FAT2: variants seen among roughly 807,000 people sequenced by gnomAD.
FAT2 encodes protocadherin Fat 2.
Under a neutral mutation model 295.3 loss-of-function variants are expected in FAT2, and 150 were observed. That is an observed-to-expected ratio of 0.51 (90% CI 0.44 to 0.58). The LOEUF (loss-of-function observed/expected upper bound fraction) is 0.58. Among genes scored for constraint, FAT2 ranks in the 20% least tolerant of loss-of-function variants. The pLI is 0.00. For missense variants in FAT2, 4,868 were observed against 5,442.7 expected, an observed-to-expected ratio of 0.89 and a Z score of 3.32; for synonymous variants, 2,026 against 2,150.3, an observed-to-expected ratio of 0.94 and a Z score of 1.60.
Position 151,531,760 on chromosome 5 carries a change from T to C in FAT2, c.9638A>G (p.Asp3213Gly), listed in dbSNP as rs2127591481. 6.2e-7 allele frequency: 1 copy of C among 1,600,802 alleles called. No individual in the cohort carries two copies. The highest frequency in any genetic ancestry group is 8.5e-7 in the Non-Finnish European group (1 of 1,174,918). The change falls in exon 14 of 24, where the codon GAC (aspartate) becomes GGC (glycine). Residue 3213 changes from aspartate to glycine, a missense_variant. By Grantham distance (94) the Asp-to-Gly change is moderately conservative. Transcript: ENST00000261800. The surrounding 1 kb of genome is among the most constrained non-coding windows in gnomAD (Gnocchi z 5.7). ...TVTVSVVGLE[D>G]YLPVFLNTEH... Reference sequence around the variant, plus strand: ...GGTGTTCAGGAACACGGGCAGGTAGTCTTCTAGGCCCACCACCGAGACTGT... The same window carrying C: ...GGTGTTCAGGAACACGGGCAGGTAGCCTTCTAGGCCCACCACCGAGACTGT...
At chr5:151,584,587 C>T (rs947581395) in intron 1 of FAT2, among the ~76,000 whole-genome samples, 20 of 152,276 alleles carry the variant, frequency 1.3e-4, no homozygotes, top group Admixed American at 1.2e-3. Flanking sequence ...ACGGTCTCTG[C>T]CCAGTATAAT....
intron 2 of FAT2, 91 bp downstream of exon 2, chr5:151,565,582 T>A: frequency 7.6e-7 from 1 of 1,312,912 alleles, no homozygotes; most frequent in Non-Finnish European, 1.0e-6. Context: ...GCAGGCTGAC[T>A]CCTTTTTCCT....
intron 13 of FAT2, 78 bp from the exon 14 acceptor site, chr5:151,532,048 AGGAGGGGCTGG>A (rs1754685669): frequency 2.6e-6 from 4 of 1,552,776 alleles, no homozygotes; most frequent in Non-Finnish European, 2.6e-6. Flanking sequence ...CTGCAGCCAC[AGGAGGGGCTGG>A]GGAGGGGCTC....
intron 20 of FAT2, among the ~76,000 whole-genome samples, chr5:151,515,947 C>T (rs1030381510): frequency 1.3e-5 from 2 of 152,218 alleles, no homozygotes; most frequent in African/African-American, 2.4e-5. Flanking sequence ...ACAAGACCTT[C>T]ATAGATATGC....
In FAT2 at chr5:151,532,042, A is replaced by T. The variant is rs1034665475; in HGVS notation, c.9428-72T>A. On this transcript the variant is annotated intron_variant, in intron 13 of 23. Coordinates refer to ENST00000261800, the MANE Select transcript of FAT2 (RefSeq NM_001447.3). ...TGGACCTGCCTGCAGCAAACCCTGC[A>T]GCCACAGGAGGGGCTGGGGAGGGGC... 14 of 1,565,088 alleles carry T rather than the reference A, an allele frequency of 8.9e-6. No homozygotes were observed. The African/African-American group carries it at 1.8e-4, about 20-fold the overall frequency.
chr5:151,520,891 T>C (rs1753381436), intron 19 of FAT2, among the ~76,000 whole-genome samples: 1 of 152,202 alleles, frequency 6.6e-6, no homozygotes, highest in African/African-American at 2.4e-5. Flanking sequence ...ACTTGATACA[T>C]AGTACTGATG....
chr5:151,518,378 T>A (rs200709422), intron 19 of FAT2, among the ~76,000 whole-genome samples: 3 of 53,798 alleles, frequency 5.6e-5, no homozygotes, highest in South Asian at 2.2e-3. Context: ...AATAATAATT[T>A]TTAAAAGAAA....
intron 1 of FAT2, among the ~76,000 whole-genome samples, chr5:151,583,693 C>G (rs1314643307): frequency 6.6e-6 from 1 of 152,048 alleles, no homozygotes; most frequent in Non-Finnish European, 1.5e-5. Context: ...TATTATACTC[C>G]ATTAAAAAGT....
At chr5:151,518,861 C>T (rs1388292583) in intron 19 of FAT2, among the ~76,000 whole-genome samples, 1 of 152,194 alleles carries the variant, frequency 6.6e-6, no homozygotes, top group Non-Finnish European at 1.5e-5. Flanking sequence ...TATCCACCCT[C>T]CCCAGAAGTG....
chr5:151,551,704 T>G, intron 6 of FAT2, 98 bp from the exon 7 acceptor site: 8 of 1,292,818 alleles, frequency 6.2e-6, no homozygotes, highest in African/African-American at 1.4e-5. Flanking sequence ...GACACGGTGG[T>G]AAATTCCACA....
In FAT2 at chr5:151,544,960, A is replaced by G; in HGVS notation, c.6167T>C (p.Val2056Ala). Residue 2056 changes from valine (V) to alanine (A), a missense_variant, in exon 10 of 24, where the codon GTC (valine) becomes GCC (alanine). By Grantham distance (64) the Val-to-Ala change is moderately conservative. Around this residue, in one of 5 missense-constraint regions of FAT2, gnomAD observed 3,297 missense variants for 3,669.4 expected, o/e 0.90. Coordinates refer to ENST00000261800, the MANE Select transcript of FAT2 (RefSeq NM_001447.3). ...ATTGACATCCTCAATAGAGACTCTG[A>G]CCAAACCCTGAGCCACCCGCTGAGG... ...RTPQRVAQGLVRVSIEDVNDN... is the reference protein window; with the variant it reads ...RTPQRVAQGLARVSIEDVNDN... The G allele has an allele frequency of 6.2e-7, 1 of 1,614,148 alleles. No individual in the cohort carries two copies. Among genetic ancestry groups the G allele is most frequent in the Non-Finnish European group, 8.5e-7 (1 of 1,180,024 alleles).
At position 151,525,952 on chromosome 5, in the gene FAT2, A is replaced by G. The variant is rs375725713; in HGVS notation, c.10322T>C (p.Ile3441Thr). The G allele has an allele frequency of 6.9e-5, 112 of 1,614,010 alleles. 1 individual carries two copies. In the South Asian group the frequency reaches 1.0e-3, roughly 15 times the overall value. Residue 3441 changes from isoleucine to threonine, a missense_variant, in exon 18 of 24, where the codon ATT (isoleucine) becomes ACT (threonine). Physicochemically the swap from Ile to Thr is moderately conservative, Grantham distance 89. Coordinates refer to ENST00000261800, the MANE Select transcript of FAT2 (RefSeq NM_001447.3). ...GATCAGCTGCAGGACTTTGCTGCCA[A>G]TGGGGGAGTTCTCCTGAGACCGAGA... is the stretch of plus-strand genomic sequence containing the variant. ...YSTTVQENSPIGSKVLQLILS... is the reference protein window; with the variant it reads ...YSTTVQENSPTGSKVLQLILS...
chr5:151,541,774 T>G (rs1581389156), intron 10 of FAT2, among the ~76,000 whole-genome samples: 1 of 152,254 alleles, frequency 6.6e-6, no homozygotes, highest in African/African-American at 2.4e-5. Flanking sequence ...AACTTCTCCA[T>G]CTGGGCCTTG....
Position 151,565,996 on chromosome 5 carries a change from C to G in FAT2, c.2936G>C (p.Gly979Ala), listed in dbSNP as rs145243128. 94 of 1,614,016 alleles carry G rather than the reference C, an allele frequency of 5.8e-5. No individual in the cohort carries two copies. Among genetic ancestry groups the G allele is most frequent in the Non-Finnish European group, 7.8e-5 (92 of 1,180,032 alleles). Residue 979 changes from glycine to alanine, a missense_variant, in exon 2 of 24, where the codon GGG (glycine) becomes GCG (alanine). Transcript: ENST00000261800. ...HGTFRVDLMT[G>A]ALILERELDF... ...CAGCTCTCTCTCCAGAATGAGCGCC[C>G]CTGTCATCAGGTCCACCCGGAAGGT...
rs375888956 is a variant in FAT2 at position 151,521,905 on chromosome 5, G to A, written c.10688C>T (p.Thr3563Met). ...CTCTTCTGCCAGGCTATAGGTCAGC[G>A]TGTCCTGGGGGTCTCGGTCTGTGGC... Reference protein sequence around the residue: ...IHATDRDPQDTLTYSLAEEET... With the variant: ...IHATDRDPQDMLTYSLAEEET... The change falls in exon 19 of 24, where the codon ACG (threonine) becomes ATG (methionine). Residue 3563 changes from threonine (T) to methionine (M), a missense_variant. Coordinates refer to ENST00000261800, the MANE Select transcript of FAT2 (RefSeq NM_001447.3). 138 of 1,613,878 alleles carry A rather than the reference G, an allele frequency of 8.6e-5. No individual in the cohort carries two copies. The highest frequency in any genetic ancestry group is 6.8e-4 in the South Asian group (62 of 91,066).
chr5:151,514,173 A>G (rs1432324659), intron 20 of FAT2, among the ~76,000 whole-genome samples: 1 of 152,252 alleles, frequency 6.6e-6, no homozygotes, highest in East Asian at 1.9e-4. Context: ...TTACTTAAAA[A>G]GGAGACACTA....
chr5:151,521,548 A>C lies in FAT2; in HGVS notation c.11045T>G (p.Val3682Gly). The C allele has an allele frequency of 6.2e-7, 1 of 1,614,210 alleles. No individual in the cohort carries two copies. The highest frequency in any genetic ancestry group is 8.5e-7 in the Non-Finnish European group (1 of 1,180,022). The change falls in exon 19 of 24, where the codon GTG becomes GGG. Residue 3682 changes from valine (V) to glycine (G), a missense_variant. By Grantham distance (109) the Val-to-Gly change is moderately radical. Around this residue, in one of 5 missense-constraint regions of FAT2, gnomAD observed 1,046 missense variants for 1,210.1 expected, o/e 0.86. Transcript: ENST00000261800. ...AGAATGCCCCTCAAAGACCAGGAGC[A>C]CATCCACACCAGCCACGGCCTCTGC... ...QPAEAVAGVD[V>G]LLVFEGHSGT...
At chr5:151,522,268 A>G (rs1210292452) in intron 18 of FAT2, 182 bp from the exon 19 acceptor site, 2 of 558,310 alleles carry the variant, frequency 3.6e-6, no homozygotes, top group African/African-American at 3.7e-5. Context: ...CAGAAAAGAA[A>G]GATTTTCTGA....
At position 151,567,324 on chromosome 5, in the gene FAT2, T is replaced by G. The variant is rs373037355; in HGVS notation, c.1608A>C (p.Ser536=). The G allele has an allele frequency of 2.5e-6, 4 of 1,614,188 alleles. No individual in the cohort carries two copies. The African/African-American group carries it at 5.3e-5, about 22-fold the overall frequency. Reference sequence around the variant, plus strand: ...CCCGGCGAAAAGGGGATCCCCAGTCTGATGCTCTTACCCGGAAGGTATAAA... The same window carrying G: ...CCCGGCGAAAAGGGGATCCCCAGTCGGATGCTCTTACCCGGAAGGTATAAA... The part of the protein sequence containing the change: ...KRIYTFRVRA[S]DWGSPFRREK... Residue 536 remains serine, a synonymous_variant, in exon 2 of 24, where the codon TCA becomes TCC. Coordinates refer to ENST00000261800, the MANE Select transcript of FAT2 (RefSeq NM_001447.3).
Sources: allele counts gnomAD v4.1 joint callset (sites outside exome capture counted in the v4.1 genomes callset), GRCh38; gene constraint gnomAD v4.1.1; regional missense constraint gnomAD v4.1.1; non-coding constraint Gnocchi (gnomAD v3.1); transcripts MANE v1.5; gene names NCBI Gene and HGNC (gene_info 2026-07-23, HGNC 2026-07-21).